Variants in INTS6L observed in about 807,000 individuals in gnomAD.
INTS6L encodes the protein integrator complex subunit 6 like, also known as integrator complex subunit 6-like.
Under a neutral mutation model 64.7 loss-of-function variants are expected in INTS6L, and 18 were observed. The observed-to-expected ratio is 0.28, with a 90% CI of 0.19 to 0.41. INTS6L has a LOEUF of 0.41. Among genes scored for constraint, INTS6L ranks in the 10% least tolerant of loss-of-function variants. The pLI, the probability that INTS6L is intolerant of heterozygous loss-of-function variation, is 1.00. For missense variants in INTS6L, 533 were observed against 661.0 expected (o/e 0.81, Z 2.12); for synonymous variants, 227 against 235.9 (o/e 0.96, Z 0.34).
chrX:135,558,236 A>T (rs2086691657), intron 9 of INTS6L, among the ~76,000 whole-genome samples: 1 of 112,081 alleles, frequency 8.9e-6, no homozygotes, highest in Non-Finnish European at 1.9e-5. Context: ...TGGAAAACAG[A>T]TAGAAGTACC....
At position 135,521,305 on chromosome X, in the gene INTS6L, C is replaced by T; in HGVS notation, c.176C>T (p.Pro59Leu). ...ATGCTGGTCACCTACGACGAACCCC[C>T]GTACTGCATCAAGGTAAAGGGGCTA... ...RYMLVTYDEP[P>L]YCIKAGWKEN... Residue 59 changes from proline to leucine, a missense_variant, in exon 2 of 18, where the codon CCG becomes CTG. By Grantham distance (98) the Pro-to-Leu change is moderately conservative. Transcript: ENST00000639893. The T allele has an allele frequency of 8.3e-7, 1 of 1,203,703 alleles. No homozygotes were observed.
intron 2 of INTS6L, among the ~76,000 whole-genome samples, chrX:135,525,121 A>G (rs1556500463): frequency 8.9e-6 from 1 of 112,127 alleles, no homozygotes; most frequent in Non-Finnish European, 1.9e-5. Flanking sequence ...ATTTTTTGGT[A>G]TAATTGTTGT....
chrX:135,575,600 C>G (rs933946190), intron 14 of INTS6L, among the ~76,000 whole-genome samples: 1 of 112,566 alleles, frequency 8.9e-6, no homozygotes, highest in Non-Finnish European at 1.9e-5. Context: ...TTTCTCACTC[C>G]AGAATCTATA....
At chrX:135,554,637 G>A (rs890610571) in intron 8 of INTS6L, among the ~76,000 whole-genome samples, 1 of 110,681 alleles carries the variant, frequency 9.0e-6, no homozygotes, top group African/African-American at 3.3e-5. Flanking sequence ...AAATGATTCT[G>A]CCGAAGGACT....
chrX:135,543,407 G>A (rs2086273846), intron 2 of INTS6L, among the ~76,000 whole-genome samples: 2 of 110,220 alleles, frequency 1.8e-5, no homozygotes, highest in Admixed American at 1.9e-4. Flanking sequence ...CCCTTGCACA[G>A]TCCCCTCCAC....
Position 135,577,418 on chromosome X carries a change from G to T in INTS6L, c.2110G>T (p.Val704Leu), listed in dbSNP as rs1556531718. ...TCCAAACCTCATAAAACCCACCCTT[G>T]TACATACAGGTATAGAGTAGTGGTT... ...SYPNLIKPTL[V>L]HTDATIIHDG... Residue 704 changes from valine to leucine, a missense_variant, in exon 15 of 18, where the codon GTA (valine) becomes TTA (leucine). By Grantham distance (32) the Val-to-Leu change is conservative. Transcript: ENST00000639893. The T allele has an allele frequency of 8.3e-7, 1 of 1,210,553 alleles. No homozygotes were observed. The highest frequency in any genetic ancestry group is 1.1e-6 in the Non-Finnish European group (1 of 894,640).
At chrX:135,564,094 G>A (rs781846108) in intron 9 of INTS6L, among the ~76,000 whole-genome samples, 3 of 110,794 alleles carry the variant, frequency 2.7e-5, no homozygotes, top group Admixed American at 9.6e-5. Flanking sequence ...CTTAGGCTCC[G>A]TTCATTTTTT....
intron 2 of INTS6L, among the ~76,000 whole-genome samples, chrX:135,530,559 A>G (rs1394673107): frequency 8.9e-6 from 1 of 112,442 alleles, no homozygotes; most frequent in Non-Finnish European, 1.9e-5. Flanking sequence ...AGTGTACTCC[A>G]CAGTAGCCAT....
At chrX:135,551,475 T>G (rs1326636463) in intron 7 of INTS6L, among the ~76,000 whole-genome samples, 1 of 112,517 alleles carries the variant, frequency 8.9e-6, no homozygotes, top group African/African-American at 3.2e-5. Flanking sequence ...GACTAGCTTA[T>G]TATCAGTCTC....
intron 2 of INTS6L, among the ~76,000 whole-genome samples, chrX:135,530,149 T>A (rs2085866417): frequency 8.9e-6 from 1 of 112,896 alleles, no homozygotes; most frequent in African/African-American, 3.2e-5. Context: ...CTGCTTTTAA[T>A]GTAATAGTGC....
At chrX:135,550,423 C>G (rs2086470321) in intron 7 of INTS6L, among the ~76,000 whole-genome samples, 1 of 74,244 alleles carries the variant, frequency 1.3e-5, no homozygotes, top group African/African-American at 5.2e-5. Flanking sequence ...AGTGCCAGAT[C>G]AATTGGCTTT....
intron 8 of INTS6L, among the ~76,000 whole-genome samples, chrX:135,555,324 G>A (rs1376450286): frequency 8.1e-5 from 9 of 111,774 alleles, no homozygotes; most frequent in African/African-American, 2.9e-4. Flanking sequence ...AAAAAAAATG[G>A]ATAAATGGGT....
intron 8 of INTS6L, among the ~76,000 whole-genome samples, chrX:135,553,202 G>A (rs782784154): frequency 8.9e-6 from 1 of 112,134 alleles, no homozygotes; most frequent in Non-Finnish European, 1.9e-5. Flanking sequence ...TCTGTTAGAA[G>A]TCGGGATAGT....
In INTS6L at chrX:135,534,160, TC is replaced by T. The variant is rs1556507115; in HGVS notation, c.190-11262del. 3.6e-5 allele frequency among the ~76,000 whole-genome samples: 4 copies of T among 109,970 alleles called. No individual in the cohort carries two copies. In the South Asian group the frequency reaches 1.2e-3, roughly 32 times the overall value. On this transcript the variant is annotated intron_variant, in intron 2 of 17. Coordinates refer to ENST00000639893, the MANE Select transcript of INTS6L (RefSeq NM_001351601.3). ...TTCCCTGGGGTAATAATTGAAAACT[TC>T]ATAAACATATTTTTAAAATTTTCTA...
At chrX:135,521,904 CCTT>C (rs1449760560) in intron 2 of INTS6L, among the ~76,000 whole-genome samples, 1 of 109,181 alleles carries the variant, frequency 9.2e-6, no homozygotes, top group Non-Finnish European at 1.9e-5. Context: ...TGCATCTCCT[CCTT>C]CTCCCCCTCT....
At chrX:135,571,722 G>A (rs1371137191) in intron 11 of INTS6L, 2 of 111,301 alleles carry the variant, frequency 1.8e-5, no homozygotes, top group African/African-American at 6.5e-5. Context: ...TTGATCTATC[G>A]ATTTTTTTTA....
intron 6 of INTS6L, among the ~76,000 whole-genome samples, chrX:135,548,219 TTTG>T (rs1398928735): frequency 9.0e-6 from 1 of 110,935 alleles, no homozygotes; most frequent in Non-Finnish European, 1.9e-5. Context: ...CTCCTGATCT[TTTG>T]TTGTTGTTGT....
chrX:135,570,098 T>A (rs1209233359), intron 10 of INTS6L: 1 of 137,217 alleles, frequency 7.3e-6, no homozygotes, highest in East Asian at 1.9e-4. Flanking sequence ...GAGGAGAAAT[T>A]GGGGTGTGTT....
At chrX:135,570,305 C>A in intron 10 of INTS6L, 131 bp from the exon 11 acceptor site, 1 of 515,532 alleles carries the variant, frequency 1.9e-6, no homozygotes, top group Non-Finnish European at 2.9e-6. Flanking sequence ...TTTTAATGTT[C>A]CATGTTTGGT....
Sources: gnomAD v4.1 joint callset for allele counts (sites outside exome capture counted in the v4.1 genomes callset) on GRCh38, gnomAD v4.1.1 for gene constraint, MANE v1.5 for transcripts, NCBI Gene and HGNC (gene_info 2026-07-23, HGNC 2026-07-21) for gene names.